Variants in SHKBP1 observed in about 807,000 individuals in gnomAD.
SHKBP1 encodes the protein SH3KBP1 binding protein 1.
Under a neutral mutation model 83.9 loss-of-function variants are expected in SHKBP1, and 71 were observed. The observed-to-expected ratio is 0.85, with a 90% CI of 0.70 to 1.03. The LOEUF (loss-of-function observed/expected upper bound fraction) is 1.03. Ranked by LOEUF, SHKBP1 falls within the 50% of genes least tolerant of loss-of-function variation. The pLI is 0.00. For synonymous variants in SHKBP1, 371 were observed against 398.0 expected (o/e 0.93, Z 0.81); for missense variants, 824 against 982.4 (o/e 0.84, Z 2.16).
intron 13 of SHKBP1, 61 bp from the exon 14 acceptor site, chr19:40,588,563 C>A: frequency 1.2e-6 from 2 of 1,600,244 alleles, no homozygotes; most frequent in South Asian, 2.2e-5. Context: ...AGGCTCTGGA[C>A]GGGCAGGCAG....
Position 40,576,894 on chromosome 19 carries a change from G to C in SHKBP1, c.-6G>C. On this transcript the variant is annotated 5_prime_UTR_variant, in exon 1 of 18. Transcript: ENST00000291842. ...GGGTGCGGGCCAGCCGGCTCGCCCGGGGGCCATGGCAGCAGCGGCTACTGC... is the reference window on the plus strand; with the variant it reads ...GGGTGCGGGCCAGCCGGCTCGCCCGCGGGCCATGGCAGCAGCGGCTACTGC... 1.4e-6 allele frequency: 2 copies of C among 1,455,562 alleles called. No homozygotes were observed. Among genetic ancestry groups the C allele is most frequent in the Non-Finnish European group, 9.1e-7 (1 of 1,104,348 alleles). 90.2% of individuals were successfully genotyped at this position (1,455,562 alleles called of 1,614,324 possible).
At chr19:40,578,571 G>A (rs1274157005) in intron 6 of SHKBP1, 29 bp downstream of exon 6, 4 of 1,575,180 alleles carry the variant, frequency 2.5e-6, no homozygotes, top group South Asian at 1.1e-5. Flanking sequence ...ATGGAGGGGC[G>A]CGGAGGTGGG....
At position 40,580,367 on chromosome 19, in the gene SHKBP1, T is replaced by C; in HGVS notation, c.444T>C (p.Pro148=). Residue 148 remains proline (P), a synonymous_variant, in exon 7 of 18, where the codon CCT becomes CCC. Transcript: ENST00000291842. The stretch of plus-strand genomic sequence containing the variant: ...GGAACCGGCACAGCCTAGTGGGGCC[T>C]CAGCAGCTAGGAGGACGGCCAGCCC... The part of the protein sequence containing the change: ...KRRNRHSLVG[P]QQLGGRPAPV... 6.2e-7 allele frequency: 1 copy of C among 1,614,192 alleles called. No individual in the cohort carries two copies. Among genetic ancestry groups the C allele is most frequent in the Non-Finnish European group, 8.5e-7 (1 of 1,180,036 alleles).
Position 40,590,972 on chromosome 19 carries a change from T to A in SHKBP1, c.1893-4T>A. 1 of 1,599,716 alleles carries A rather than the reference T, an allele frequency of 6.3e-7. No individual in the cohort carries two copies. Among genetic ancestry groups the A allele is most frequent in the Non-Finnish European group, 8.6e-7 (1 of 1,168,928 alleles). The stretch of plus-strand genomic sequence containing the variant: ...ACGTGCACTTACTGTCCTTACTTCC[T>A]CAGCCTCCACTCAGCCTCCAGCAAC... On this transcript the variant is annotated splice_polypyrimidine_tract_variant and splice_region_variant and intron_variant, in intron 17 of 17. Transcript: ENST00000291842. The surrounding 1 kb of genome is among the most constrained non-coding windows in gnomAD (Gnocchi z 4.6).
intron 12 of SHKBP1, 71 bp from the exon 13 acceptor site, chr19:40,586,703 G>GT: frequency 7.2e-7 from 1 of 1,392,588 alleles, no homozygotes; most frequent in Non-Finnish European, 9.5e-7. Flanking sequence ...TTCTGTGCCT[G>GT]TTTCTTTCTC....
Position 40,580,932 on chromosome 19 carries a change from G to A in SHKBP1, c.840G>A (p.Glu280=). ...TGCAGGCGGAAGGCGGTGGCTCCGA[G>A]ATAGGTATGACCCCAAGCCTTTTCC... ...WALQAEGGGS[E]IGVFHLGVPV... The change falls in exon 9 of 18, where the codon GAG becomes GAA. Residue 280 remains glutamate, a synonymous_variant. Transcript: ENST00000291842. 6.4e-7 allele frequency: 1 copy of A among 1,559,830 alleles called. No homozygotes were observed. The highest frequency in any genetic ancestry group is 2.3e-5 in the East Asian group (1 of 44,324).
Position 40,589,077 on chromosome 19 carries a change from C to G in SHKBP1, c.1493-5C>G. On this transcript the variant is annotated splice_region_variant and splice_polypyrimidine_tract_variant and intron_variant, in intron 14 of 17. Coordinates refer to ENST00000291842, the MANE Select transcript of SHKBP1 (RefSeq NM_138392.4). ...GGCCCTGACCCCTGCCCCTGCCTGG[C>G]CCAGGCCCCTACGGTGAGCGGGACG... The G allele has an allele frequency of 6.2e-7, 1 of 1,611,210 alleles. No homozygotes were observed. The highest frequency in any genetic ancestry group is 1.1e-5 in the South Asian group (1 of 91,078).
rs2081219706 is a variant in SHKBP1 at position 40,577,084 on chromosome 19, T to TCC, written c.86+100_86+101dup. On this transcript the variant is annotated intron_variant, in intron 1 of 17. Coordinates refer to ENST00000291842, the MANE Select transcript of SHKBP1 (RefSeq NM_138392.4). ...GGAATCCCTGTCCATCAAGGGTTGC[T>TCC]CCGCCCCCCCCCCCTTTGGAGGCGC... 3 of 975,906 alleles carry TCC rather than the reference T, an allele frequency of 3.1e-6. No individual in the cohort carries two copies. The South Asian group carries it at 4.5e-5, about 15-fold the overall frequency. 60.5% of individuals were successfully genotyped at this position (975,906 alleles called of 1,614,324 possible). A position where few individuals can be genotyped will look rare whatever the true frequency, so the allele number is the denominator to read the frequency against.
rs541787615 is a variant in SHKBP1, at chr19:40,580,874, C to T, written c.782C>T (p.Ala261Val). The change falls in exon 9 of 18, where the codon GCA becomes GTA. Residue 261 changes from alanine (A) to valine (V), a missense_variant. Ala to Val is a moderately conservative substitution (Grantham distance 64). Transcript: ENST00000291842. ...GGTGAACATGACAAGATGGTGGCAG[C>T]AGCCACCGGCAGCGAGATCCTGCTA... ...ALGEHDKMVA[A>V]ATGSEILLWA... 1.3e-5 allele frequency: 21 copies of T among 1,611,292 alleles called. No homozygotes were observed. In the South Asian group the frequency reaches 2.3e-4, roughly 18 times the overall value.
Position 40,577,026 on chromosome 19 carries a change from G to A in SHKBP1, c.86+41G>A, listed in dbSNP as rs187075840. The A allele has an allele frequency of 4.1e-5, 58 of 1,408,144 alleles. No homozygotes were observed. The East Asian group carries it at 7.5e-4, about 18-fold the overall frequency. The allele number at this position is 1,408,144 out of a possible 1,614,324, so 87.2% of individuals were successfully genotyped here. A position where few individuals can be genotyped will look rare whatever the true frequency, so the allele number is the denominator to read the frequency against. On this transcript the variant is annotated intron_variant, in intron 1 of 17. Transcript: ENST00000291842. ...TCCTGAGGTCCCATCCTCGGGGGCG[G>A]GAAGCGGGGTGGGAGTATCCGCCTC...
chr19:40,590,816 T>C lies in SHKBP1; in HGVS notation c.1855T>C (p.Cys619Arg). Reference sequence around the variant, plus strand: ...GGCTCCTTCAGCTCCCTCATGGGGCTGTCTCCCCAGCCCCTCACCCCGCAT... The same window carrying C: ...GGCTCCTTCAGCTCCCTCATGGGGCCGTCTCCCCAGCCCCTCACCCCGCAT... The part of the protein sequence containing the change: ...PPAPSAPSWG[C>R]LPSPSPRISL... Residue 619 changes from cysteine to arginine, a missense_variant, in exon 17 of 18, where the codon TGT (cysteine) becomes CGT (arginine). Cys to Arg is a radical substitution (Grantham distance 180, BLOSUM62 -3). Around this residue, in one of 3 missense-constraint regions of SHKBP1, gnomAD observed 287 missense variants for 322.9 expected, o/e 0.89. Transcript: ENST00000291842. The surrounding 1 kb of genome is among the most constrained non-coding windows in gnomAD (Gnocchi z 4.6). The C allele has an allele frequency of 6.3e-7, 1 of 1,598,602 alleles. No homozygotes were observed. Among genetic ancestry groups the C allele is most frequent in the Non-Finnish European group, 8.6e-7 (1 of 1,167,548 alleles).
Position 40,582,484 on chromosome 19 carries a change from C to G in SHKBP1, c.960+18C>G. 6.2e-7 allele frequency: 1 copy of G among 1,606,094 alleles called. No homozygotes were observed. The highest frequency in any genetic ancestry group is 1.1e-5 in the South Asian group (1 of 90,956). The stretch of plus-strand genomic sequence containing the variant: ...ACTGGCAGGTCAGAGTTCTGGCCAG[C>G]CTGGCTGCCCCCTTCCCAGTTTTCC... On this transcript the variant is annotated intron_variant, in intron 10 of 17. Coordinates refer to ENST00000291842, the MANE Select transcript of SHKBP1 (RefSeq NM_138392.4).
Position 40,583,431 on chromosome 19 carries a change from G to A in SHKBP1, c.994G>A (p.Ala332Thr), listed in dbSNP as rs377642984. The change falls in exon 11 of 18, where the codon GCG (alanine) becomes ACG (threonine). Residue 332 changes from alanine to threonine, a missense_variant. Physicochemically the swap from Ala to Thr is moderately conservative, Grantham distance 58 (BLOSUM62 0). Coordinates refer to ENST00000291842, the MANE Select transcript of SHKBP1 (RefSeq NM_138392.4). The stretch of plus-strand genomic sequence containing the variant: ...GGTGCAGCCCATCACCAGTTATGAC[G>A]CGGCAGGCTCCTTCCTCCTCCTGGG... ...QEVQPITSYD[A>T]AGSFLLLGCN... is the part of the protein sequence containing the mutation. The A allele has an allele frequency of 3.1e-6, 5 of 1,602,242 alleles. No homozygotes were observed. The highest frequency in any genetic ancestry group is 4.3e-6 in the Non-Finnish European group (5 of 1,174,628).
rs2081216719 is a variant in SHKBP1, at chr19:40,576,938, T to A, written c.39T>A (p.Ser13Arg). 1 of 1,493,128 alleles carries A rather than the reference T, an allele frequency of 6.7e-7. No homozygotes were observed. Among genetic ancestry groups the A allele is most frequent in the Non-Finnish European group, 8.9e-7 (1 of 1,125,480 alleles). The allele number at this position is 1,493,128 out of a possible 1,614,324, so 92.5% of individuals were successfully genotyped here. A position where few individuals can be genotyped will look rare whatever the true frequency, so the allele number is the denominator to read the frequency against. ...CTACTGCAGCCGAGGGGGTCCCCAG[T>A]CGGGGGCCTCCCGGGGAAGTCATTC... is the stretch of plus-strand genomic sequence containing the variant. The part of the protein sequence containing the change: ...AAATAAEGVP[S>R]RGPPGEVIHL... The change falls in exon 1 of 18, where the codon AGT (serine) becomes AGA (arginine). Residue 13 changes from serine to arginine, a missense_variant. Around this residue, in one of 3 missense-constraint regions of SHKBP1, gnomAD observed 355 missense variants for 386.4 expected, o/e 0.92. Coordinates refer to ENST00000291842, the MANE Select transcript of SHKBP1 (RefSeq NM_138392.4).
At chr19:40,580,235 G>A (rs535755454) in intron 6 of SHKBP1, 89 bp from the exon 7 acceptor site, 1 of 1,456,650 alleles carries the variant, frequency 6.9e-7, no homozygotes. Context: ...CCACACATGG[G>A]GAAATCAATC....
Position 40,591,306 on chromosome 19 carries a change from C to T in SHKBP1, c.*99C>T, listed in dbSNP as rs1349326086. The T allele has an allele frequency of 4.3e-5, 45 of 1,050,788 alleles. No individual in the cohort carries two copies. Among genetic ancestry groups the T allele is most frequent in the Non-Finnish European group, 5.8e-5 (43 of 742,208 alleles). The allele number at this position is 1,050,788 out of a possible 1,614,324, so 65.1% of individuals were successfully genotyped here. ...AACCCCGGGTTCAGGGCCAGGGCCT[C>T]CTTGGAATAAATGGTTATTGTTACT... On this transcript the variant is annotated 3_prime_UTR_variant, in exon 18 of 18. Coordinates refer to ENST00000291842, the MANE Select transcript of SHKBP1 (RefSeq NM_138392.4).
chr19:40,581,186 T>C (rs941793728), intron 9 of SHKBP1, among the ~76,000 whole-genome samples: 2 of 152,154 alleles, frequency 1.3e-5, no homozygotes, highest in African/African-American at 2.4e-5. Flanking sequence ...CTTGGTTTTG[T>C]TAGAATGCGC....
chr19:40,580,044 A>AAC, intron 6 of SHKBP1: 1 of 273,080 alleles, frequency 3.7e-6, no homozygotes, highest in Non-Finnish European at 7.0e-6. Flanking sequence ...AAAAAAAAAA[A>AAC]AAAAAAAAAA....
At chr19:40,580,712 G>C in intron 8 of SHKBP1, 34 bp from the exon 9 acceptor site, 2 of 1,613,708 alleles carry the variant, frequency 1.2e-6, no homozygotes, top group Non-Finnish European at 1.7e-6. Flanking sequence ...AAGGGCATGC[G>C]GTGAGGGTTG....
Sources: allele counts gnomAD v4.1 joint callset (sites outside exome capture counted in the v4.1 genomes callset), GRCh38; gene constraint gnomAD v4.1.1; regional missense constraint gnomAD v4.1.1; non-coding constraint Gnocchi (gnomAD v3.1); transcripts MANE v1.5; gene names NCBI Gene and HGNC (gene_info 2026-07-23, HGNC 2026-07-21).